The following SEMA3C variants were observed in gnomAD, a reference collection of about 807,000 sequenced individuals.
SEMA3C encodes the protein semaphorin 3C, also known as semaphorin-3C.
A neutral mutation model predicts 89.4 loss-of-function variants in SEMA3C; 47 were observed. The ratio of observed to expected loss-of-function variants is 0.53; its 90% CI spans 0.42 to 0.67. The LOEUF is 0.67. Ranked by LOEUF, SEMA3C falls within the 30% of genes least tolerant of loss-of-function variation. The probability of loss-of-function intolerance (pLI) is 0.00; values close to 1 mark genes in which losing one functional copy is unlikely to be tolerated. For missense variants in SEMA3C, 839 were observed against 929.1 expected (o/e 0.90, Z 1.26); for synonymous variants, 310 against 320.2 (o/e 0.97, Z 0.34).
rs1787761481 is a variant in SEMA3C at position 80,744,835 on chromosome 7, T to G, written c.*59A>C. 2 of 1,582,974 alleles carry G rather than the reference T, an allele frequency of 1.3e-6. No homozygotes were observed. The highest frequency in any genetic ancestry group is 1.7e-6 in the Non-Finnish European group (2 of 1,157,596). ...AAAGCACAAGTTTCTTTGCTCAAAA[T>G]TTGATCATTGAAGACAGAGCATTTG... is the stretch of plus-strand genomic sequence containing the variant. On this transcript the variant is annotated 3_prime_UTR_variant, in exon 18 of 18. Coordinates refer to ENST00000265361, the MANE Select transcript of SEMA3C (RefSeq NM_006379.5).
intron 2 of SEMA3C, among the ~76,000 whole-genome samples, chr7:80,853,327 A>C (rs1299832458): frequency 6.6e-6 from 1 of 152,186 alleles, no homozygotes; most frequent in African/African-American, 2.4e-5. Context: ...CCATGTATAC[A>C]GCAGCATTAT....
intron 15 of SEMA3C, among the ~76,000 whole-genome samples, chr7:80,752,157 T>G (rs540121627): frequency 1.4e-4 from 22 of 152,240 alleles, no homozygotes; most frequent in Non-Finnish European, 4.4e-5. Context: ...ATTATCTAAA[T>G]ATATTGATAT....
chr7:80,837,222 C>A (rs536431733), intron 2 of SEMA3C, among the ~76,000 whole-genome samples: 1 of 152,240 alleles, frequency 6.6e-6, no homozygotes, highest in Non-Finnish European at 1.5e-5. Context: ...CAATCTTTGG[C>A]CAACAACTGT....
chr7:80,850,860 T>C (rs1258295721), intron 2 of SEMA3C, among the ~76,000 whole-genome samples: 1 of 152,220 alleles, frequency 6.6e-6, no homozygotes, highest in East Asian at 1.9e-4. Flanking sequence ...AACTAATTAC[T>C]ACAGGCGTGG....
At chr7:80,868,373 TTC>T (rs1385371299) in intron 2 of SEMA3C, among the ~76,000 whole-genome samples, 1 of 152,138 alleles carries the variant, frequency 6.6e-6, no homozygotes, top group Non-Finnish European at 1.5e-5. Context: ...GTTCAAGTGA[TTC>T]TTGTGTCTCA....
At chr7:80,843,727 A>G (rs1790325139) in intron 2 of SEMA3C, among the ~76,000 whole-genome samples, 1 of 152,214 alleles carries the variant, frequency 6.6e-6, no homozygotes, top group Non-Finnish European at 1.5e-5. Flanking sequence ...ATCCTGCTAA[A>G]TAAAAATCTA....
intron 15 of SEMA3C, among the ~76,000 whole-genome samples, chr7:80,755,689 A>T (rs1269922902): frequency 2.6e-5 from 4 of 152,060 alleles, no homozygotes; most frequent in African/African-American, 9.7e-5. Context: ...TGCTAAGTAA[A>T]TAGTATCACC....
chr7:80,876,220 T>C (rs950713670), intron 2 of SEMA3C, among the ~76,000 whole-genome samples: 1 of 152,198 alleles, frequency 6.6e-6, no homozygotes, highest in African/African-American at 2.4e-5. Flanking sequence ...TTTTAGATAT[T>C]CTTATATTAT....
intron 12 of SEMA3C, among the ~76,000 whole-genome samples, chr7:80,776,619 A>G (rs868350777): frequency 7.2e-5 from 11 of 152,218 alleles, no homozygotes; most frequent in Admixed American, 3.3e-4. Flanking sequence ...TGTTATACAC[A>G]CCAGTGCTTT....
At chr7:80,892,624 G>A (rs970629819) in intron 2 of SEMA3C, among the ~76,000 whole-genome samples, 13 of 151,924 alleles carry the variant, frequency 8.6e-5, no homozygotes, top group East Asian at 1.9e-4. Flanking sequence ...ATTTTTTTCC[G>A]TTGAAGTTAG....
rs5885196 is a variant in SEMA3C at position 80,746,718 on chromosome 7, GGT to G, written c.1843-1413_1843-1412del. On this transcript the variant is annotated intron_variant, in intron 17 of 17. Coordinates refer to ENST00000265361, the MANE Select transcript of SEMA3C (RefSeq NM_006379.5). Reference sequence around the variant, plus strand: ...ATCACATGTACTGATATTGAAGTGGGGTGTGTGTGTGTGTGTGTGTGTGTGTG... The same window carrying G: ...ATCACATGTACTGATATTGAAGTGGGGTGTGTGTGTGTGTGTGTGTGTGTG... 4.3e-4 allele frequency among the ~76,000 whole-genome samples: 62 copies of G among 143,028 alleles called. 1 individual carries two copies. Among genetic ancestry groups the G allele is most frequent in the South Asian group, 2.5e-3 (11 of 4,406 alleles). The allele number at this position is 143,028 out of a possible 152,430, so 93.8% of individuals were successfully genotyped here. A position where few individuals can be genotyped will look rare whatever the true frequency, so the allele number is the denominator to read the frequency against.
At chr7:80,889,333 G>A (rs1054521283) in intron 2 of SEMA3C, among the ~76,000 whole-genome samples, 2 of 152,044 alleles carry the variant, frequency 1.3e-5, no homozygotes, top group African/African-American at 4.8e-5. Context: ...TAGAATAGAG[G>A]TCTCTGTATT....
At chr7:80,889,937 T>C (rs928279883) in intron 2 of SEMA3C, among the ~76,000 whole-genome samples, 3 of 152,132 alleles carry the variant, frequency 2.0e-5, no homozygotes, top group Non-Finnish European at 4.4e-5. Flanking sequence ...AACTATTGTT[T>C]CTGGGTGTTT....
chr7:80,825,847 C>T (rs1789859515), intron 4 of SEMA3C, among the ~76,000 whole-genome samples: 1 of 152,062 alleles, frequency 6.6e-6, no homozygotes, highest in Admixed American at 6.6e-5. Flanking sequence ...TAATAAGGAA[C>T]AAAACATCAT....
At chr7:80,897,872 G>C (rs999020725) in intron 2 of SEMA3C, among the ~76,000 whole-genome samples, 27 of 152,010 alleles carry the variant, frequency 1.8e-4, no homozygotes, top group Non-Finnish European at 3.4e-4. Context: ...TAAATACATT[G>C]GAATAAATAC....
chr7:80,824,017 G>T (rs2030925), intron 4 of SEMA3C, among the ~76,000 whole-genome samples: 32,832 of 151,942 alleles, frequency 0.22, 3,923 homozygotes, highest in East Asian at 0.35. Context: ...GTTTATTACA[G>T]AATTATGCTG....
chr7:80,782,707 C>A (rs1467634960), intron 12 of SEMA3C, among the ~76,000 whole-genome samples: 1 of 152,086 alleles, frequency 6.6e-6, no homozygotes, highest in African/African-American at 2.4e-5. Flanking sequence ...TCAAATAATA[C>A]CTCTTGAGTG....
chr7:80,872,317 G>T (rs761208542), intron 2 of SEMA3C, among the ~76,000 whole-genome samples: 2 of 151,768 alleles, frequency 1.3e-5, no homozygotes, highest in African/African-American at 2.4e-5. Context: ...TGTCCAGCCA[G>T]TTTTTTTCTA....
chr7:80,875,243 C>CAA (rs1343073698), intron 2 of SEMA3C, among the ~76,000 whole-genome samples: 7 of 152,078 alleles, frequency 4.6e-5, no homozygotes, highest in Admixed American at 6.5e-5. Context: ...AGATGCTTGT[C>CAA]CCTGCATACA....
Sources: allele counts gnomAD v4.1 joint callset (sites outside exome capture counted in the v4.1 genomes callset), GRCh38; gene constraint gnomAD v4.1.1; transcripts MANE v1.5; gene names NCBI Gene and HGNC (gene_info 2026-07-23, HGNC 2026-07-21).